FOCAD: variants seen among roughly 807,000 people sequenced by gnomAD.
The protein encoded by FOCAD is focadhesin.
A neutral mutation model predicts 225.6 loss-of-function variants in FOCAD; 198 were observed. The observed-to-expected ratio is 0.88, with a 90% CI of 0.78 to 0.99. The LOEUF (loss-of-function observed/expected upper bound fraction) is 0.99. Among genes scored for constraint, FOCAD ranks in the 50% least tolerant of loss-of-function variants. The pLI, the probability that FOCAD is intolerant of heterozygous loss-of-function variation, is 0.00. For synonymous variants in FOCAD, 897 were observed against 755.0 expected (o/e 1.19, Z -3.08); for missense variants, 2,713 against 2,123.6 (o/e 1.28, Z -5.46).
chr9:20,738,791 G>C (rs1192211330), intron 4 of FOCAD, among the ~76,000 whole-genome samples: 1 of 152,100 alleles, frequency 6.6e-6, no homozygotes, highest in South Asian at 2.1e-4. Flanking sequence ...ATGTAATTCA[G>C]AATTTTCCAG....
At chr9:20,972,941 G>T (rs1344219213) in intron 35 of FOCAD, among the ~76,000 whole-genome samples, 1 of 150,932 alleles carries the variant, frequency 6.6e-6, no homozygotes, top group Non-Finnish European at 1.5e-5. Flanking sequence ...ACTGCTCCTT[G>T]TTCCTGTGCT....
chr9:20,725,912 G>C (rs1000394131), intron 4 of FOCAD, among the ~76,000 whole-genome samples: 2 of 152,044 alleles, frequency 1.3e-5, no homozygotes, highest in Admixed American at 1.3e-4. Flanking sequence ...CGTTTTTATA[G>C]CTTCTGTAAA....
intron 4 of FOCAD, among the ~76,000 whole-genome samples, chr9:20,735,989 T>TTGA (rs1258849797): frequency 6.6e-6 from 1 of 152,090 alleles, no homozygotes; most frequent in Non-Finnish European, 1.5e-5. Flanking sequence ...TTAAGAAAAA[T>TTGA]TTTCAGAGTT....
chr9:20,877,905 CAAAA>C (rs34257964), intron 19 of FOCAD, among the ~76,000 whole-genome samples: 2,957 of 151,782 alleles, frequency 0.019, 90 homozygotes, highest in African/African-American at 0.066. Context: ...GACTCCATCT[CAAAA>C]AAACAAACAA....
intron 4 of FOCAD, among the ~76,000 whole-genome samples, chr9:20,723,665 G>C (rs894078082): frequency 6.6e-6 from 1 of 152,126 alleles, no homozygotes; most frequent in African/African-American, 2.4e-5. Context: ...TTGTATGTAT[G>C]TGTATTTACA....
chr9:20,775,868 T>A (rs931130036), intron 8 of FOCAD, among the ~76,000 whole-genome samples: 11 of 152,092 alleles, frequency 7.2e-5, no homozygotes, highest in South Asian at 2.1e-4. Context: ...TTTCATTTTT[T>A]AAAATTTCCT....
Position 20,781,843 on chromosome 9 carries a change from G to A in FOCAD, c.1111G>A (p.Asp371Asn), listed in dbSNP as rs1401339076. ...STALEDCISV[D>N]EEGPSRQQLA... ...TGCCTTGGAAGACTGTATATCTGTG[G>A]ATGAAGAAGGTCCCTCTAGGCAGCA... The change falls in exon 10 of 44, where the codon GAT (aspartate) becomes AAT (asparagine). Residue 371 changes from aspartate to asparagine, a missense_variant. Transcript: ENST00000338382. 6.2e-7 allele frequency: 1 copy of A among 1,614,134 alleles called. No individual in the cohort carries two copies. Among genetic ancestry groups the A allele is most frequent in the East Asian group, 2.2e-5 (1 of 44,862 alleles).
intron 15 of FOCAD, among the ~76,000 whole-genome samples, chr9:20,860,575 G>C (rs189302241): frequency 6.6e-6 from 1 of 152,284 alleles, no homozygotes; most frequent in African/African-American, 2.4e-5. Flanking sequence ...CTGTAGCCCA[G>C]GCTCGAGTGC....
At chr9:20,690,166 A>G (rs1157039719) in intron 1 of FOCAD, among the ~76,000 whole-genome samples, 4 of 152,138 alleles carry the variant, frequency 2.6e-5, no homozygotes, top group Non-Finnish European at 5.9e-5. Context: ...TAAGATTGCC[A>G]TCTGTTATTT....
Position 20,995,710 on chromosome 9 carries a change from C to G in FOCAD, c.*81C>G, listed in dbSNP as rs1842010623. 8.0e-7 allele frequency: 1 copy of G among 1,243,980 alleles called. No homozygotes were observed. Among genetic ancestry groups the G allele is most frequent in the East Asian group, 2.4e-5 (1 of 42,368 alleles). The allele number at this position is 1,243,980 out of a possible 1,614,324, so 77.1% of individuals were successfully genotyped here. On this transcript the variant is annotated 3_prime_UTR_variant, in exon 44 of 44. Transcript: ENST00000338382. ...GGAAGAAGTTTTTCAGAATTCATGC[C>G]TGGTATTGCTGAGACATGATGCAGA...
chr9:20,930,186 C>A (rs1004322522), intron 27 of FOCAD, among the ~76,000 whole-genome samples: 4 of 97,764 alleles, frequency 4.1e-5, no homozygotes, highest in African/African-American at 9.8e-5. Flanking sequence ...TTTTGGACTG[C>A]TAACTTTATT....
At chr9:20,905,158 T>A (rs1832854941) in intron 21 of FOCAD, among the ~76,000 whole-genome samples, 1 of 151,994 alleles carries the variant, frequency 6.6e-6, no homozygotes, top group Non-Finnish European at 1.5e-5. Flanking sequence ...TATAATCCCA[T>A]AAAACGTGGG....
intron 4 of FOCAD, among the ~76,000 whole-genome samples, chr9:20,724,402 T>G (rs985832345): frequency 6.6e-6 from 1 of 152,174 alleles, no homozygotes; most frequent in Non-Finnish European, 1.5e-5. Flanking sequence ...AAGAAAGCCT[T>G]GAATTTTATA....
intron 5 of FOCAD, among the ~76,000 whole-genome samples, chr9:20,756,724 A>C (rs1829086616): frequency 6.6e-6 from 1 of 152,220 alleles, no homozygotes; most frequent in Non-Finnish European, 1.5e-5. Context: ...AGTTGATCTT[A>C]CTAGTAAGGC....
chr9:20,778,633 T>A (rs1021140594), intron 8 of FOCAD, 48 bp from the exon 9 acceptor site: 2 of 1,005,866 alleles, frequency 2.0e-6, no homozygotes, highest in Non-Finnish European at 3.2e-6. Flanking sequence ...AAAGCCATGA[T>A]TCTGGGAACT....
chr9:20,695,617 A>G (rs775449277), intron 1 of FOCAD, among the ~76,000 whole-genome samples: 8 of 152,232 alleles, frequency 5.3e-5, no homozygotes, highest in Non-Finnish European at 1.2e-4. Flanking sequence ...TGGAATGGAC[A>G]ACAAAGGAAG....
At chr9:20,754,657 T>C (rs368051780) in intron 5 of FOCAD, among the ~76,000 whole-genome samples, 7 of 152,292 alleles carry the variant, frequency 4.6e-5, no homozygotes, top group African/African-American at 1.7e-4. Flanking sequence ...AGGAGCAATT[T>C]TGTCCTCCAG....
chr9:20,870,397 A>G (rs536000590), intron 18 of FOCAD, among the ~76,000 whole-genome samples: 1 of 152,338 alleles, frequency 6.6e-6, no homozygotes, highest in Non-Finnish European at 1.5e-5. Flanking sequence ...AGACACAGAA[A>G]GTTGATTGAA....
At chr9:20,809,606 T>C (rs1259542349) in intron 11 of FOCAD, among the ~76,000 whole-genome samples, 2 of 152,186 alleles carry the variant, frequency 1.3e-5, no homozygotes, top group Non-Finnish European at 2.9e-5. Context: ...TATCTTAAAA[T>C]GTTTCCTTGT....
Sources: gnomAD v4.1 joint callset for allele counts (sites outside exome capture counted in the v4.1 genomes callset) on GRCh38, gnomAD v4.1.1 for gene constraint, MANE v1.5 for transcripts, NCBI Gene and HGNC (gene_info 2026-07-23, HGNC 2026-07-21) for gene names.